GYS2: variants seen among roughly 807,000 people sequenced by gnomAD.
GYS2 encodes glycogen synthase 2.
GYS2 carries 80 observed loss-of-function variants against 85.6 expected under a neutral mutation model. The observed-to-expected ratio is 0.93, with a 90% CI of 0.78 to 1.13. The LOEUF is 1.13. GYS2 is among the 50% of genes most tolerant of loss of function. The probability of loss-of-function intolerance (pLI) is 0.00; values close to 1 mark genes in which losing one functional copy is unlikely to be tolerated. For missense variants in GYS2, 881 were observed against 854.9 expected, an observed-to-expected ratio of 1.03 and a Z score of -0.38; for synonymous variants, 328 against 300.7, an observed-to-expected ratio of 1.09 and a Z score of -0.94.
chr12:21,571,321 A>G (rs1944382417), intron 4 of GYS2, among the ~76,000 whole-genome samples: 1 of 152,202 alleles, frequency 6.6e-6, no homozygotes, highest in Non-Finnish European at 1.5e-5. Flanking sequence ...CATATTTATG[A>G]TTATATCTTA....
intron 1 of GYS2, among the ~76,000 whole-genome samples, chr12:21,587,441 T>A (rs1944586735): frequency 6.6e-6 from 1 of 152,202 alleles, no homozygotes; most frequent in South Asian, 2.1e-4. Context: ...AGGAGGTTAC[T>A]CTCATGCTCT....
Position 21,536,732 on chromosome 12 carries a change from C to A in GYS2, c.*222G>T. ...TCTGCCTTTAATGAGTGCTCCTCCTCATGCCTAACTTTATGGGGGAAACAA... is the reference window on the plus strand; with the variant it reads ...TCTGCCTTTAATGAGTGCTCCTCCTAATGCCTAACTTTATGGGGGAAACAA... On this transcript the variant is annotated 3_prime_UTR_variant, in exon 16 of 16. Transcript: ENST00000261195. The A allele has an allele frequency of 1.7e-6, 1 of 576,796 alleles. No homozygotes were observed. Among genetic ancestry groups the A allele is most frequent in the South Asian group, 2.1e-5 (1 of 48,680 alleles). The allele number at this position is 576,796 out of a possible 1,614,324, so 35.7% of individuals were successfully genotyped here. A position where few individuals can be genotyped will look rare whatever the true frequency, so the allele number is the denominator to read the frequency against.
intron 1 of GYS2, among the ~76,000 whole-genome samples, chr12:21,588,829 T>A (rs912003863): frequency 1.3e-5 from 2 of 152,226 alleles, no homozygotes; most frequent in African/African-American, 4.8e-5. Context: ...TTAGAAACCA[T>A]CAAAATTATT....
intron 4 of GYS2, among the ~76,000 whole-genome samples, chr12:21,569,327 C>A (rs899160325): frequency 6.6e-6 from 1 of 152,158 alleles, no homozygotes; most frequent in African/African-American, 2.4e-5. Flanking sequence ...TATTCTACAT[C>A]TTGGAATACT....
intron 7 of GYS2, among the ~76,000 whole-genome samples, chr12:21,561,483 G>A (rs1944252301): frequency 6.9e-6 from 1 of 145,430 alleles, no homozygotes; most frequent in African/African-American, 2.5e-5. Context: ...ACTCACCCTA[G>A]GAACAGCCAA....
At chr12:21,597,300 A>G (rs922745023) in intron 1 of GYS2, among the ~76,000 whole-genome samples, 7 of 152,092 alleles carry the variant, frequency 4.6e-5, no homozygotes, top group Non-Finnish European at 1.0e-4. Context: ...ATATTTGCAT[A>G]CATTTGACAA....
intron 7 of GYS2, 74 bp from the exon 8 acceptor site, chr12:21,560,566 T>A (rs1265753679): frequency 3.8e-6 from 3 of 795,626 alleles, no homozygotes; most frequent in Non-Finnish European, 6.9e-6. Context: ...AACTTAAACA[T>A]TGAAAAGTAG....
intron 11 of GYS2, 26 bp from the exon 12 acceptor site, chr12:21,546,496 A>C: frequency 6.5e-7 from 1 of 1,528,196 alleles, no homozygotes; most frequent in South Asian, 1.2e-5. Context: ...TCTAATTTAA[A>C]AAAAAAGAAA....
At chr12:21,550,996 CTTTTCTTT>C (rs1400766364) in intron 11 of GYS2, among the ~76,000 whole-genome samples, 1 of 89,338 alleles carries the variant, frequency 1.1e-5, no homozygotes, top group Admixed American at 1.4e-4. Context: ...GCACTCTACA[CTTTTCTTT>C]TTTTTTTAAT....
chr12:21,536,934 T>C lies in GYS2; in HGVS notation c.*20A>G. The C allele has an allele frequency of 6.6e-7, 1 of 1,523,524 alleles. No homozygotes were observed. Among genetic ancestry groups the C allele is most frequent in the Non-Finnish European group, 9.1e-7 (1 of 1,097,852 alleles). The allele number at this position is 1,523,524 out of a possible 1,614,324, so 94.4% of individuals were successfully genotyped here. ...TACTTTGCTTTTTTAAATTAGCTCTTCATGCAGCACATGTAGAATTCAGTT... is the reference window on the plus strand; with the variant it reads ...TACTTTGCTTTTTTAAATTAGCTCTCCATGCAGCACATGTAGAATTCAGTT... On this transcript the variant is annotated 3_prime_UTR_variant, in exon 16 of 16. Coordinates refer to ENST00000261195, the MANE Select transcript of GYS2 (RefSeq NM_021957.4).
intron 11 of GYS2, among the ~76,000 whole-genome samples, chr12:21,557,157 GAAA>G (rs1176175083): frequency 6.6e-6 from 1 of 152,184 alleles, no homozygotes; most frequent in African/African-American, 2.4e-5. Context: ...AAAAATGAAA[GAAA>G]GAAGTGAAAA....
intron 2 of GYS2, among the ~76,000 whole-genome samples, chr12:21,578,623 C>G (rs188996913): frequency 6.6e-6 from 1 of 152,132 alleles, no homozygotes; most frequent in African/African-American, 2.4e-5. Context: ...ACCTTTAATA[C>G]CTGCTTCAGT....
chr12:21,558,249 C>G lies in GYS2; in HGVS notation c.1373G>C (p.Ser458Thr). ...MIDDSTDPIL[S>T]TIRRIGLFNN... ...GAAAAGTCCAATCCGTCTAATGGTG[C>G]TGAGGATGGGGTCGGTGGAGTCATC... Residue 458 changes from serine (S) to threonine (T), a missense_variant, in exon 11 of 16, where the codon AGC becomes ACC. By Grantham distance (58) the Ser-to-Thr change is moderately conservative. Transcript: ENST00000261195. The G allele has an allele frequency of 1.2e-6, 2 of 1,613,914 alleles. No homozygotes were observed. The highest frequency in any genetic ancestry group is 1.7e-6 in the Non-Finnish European group (2 of 1,179,852).
At chr12:21,592,669 G>C (rs1293770167) in intron 1 of GYS2, among the ~76,000 whole-genome samples, 1 of 152,050 alleles carries the variant, frequency 6.6e-6, no homozygotes, top group Non-Finnish European at 1.5e-5. Flanking sequence ...GGGTGAAATA[G>C]AATCCAATAC....
intron 1 of GYS2, among the ~76,000 whole-genome samples, chr12:21,582,584 T>C (rs1477881508): frequency 7.2e-6 from 1 of 139,760 alleles, no homozygotes; most frequent in Non-Finnish European, 1.5e-5. Flanking sequence ...GATATAGAGA[T>C]AGATATAGAG....
In GYS2 at chr12:21,559,187, TAATAAC is replaced by T; in HGVS notation, c.1230-24_1230-19del. On this transcript the variant is annotated intron_variant, in intron 9 of 15. Coordinates refer to ENST00000261195, the MANE Select transcript of GYS2 (RefSeq NM_021957.4). The stretch of plus-strand genomic sequence containing the variant: ...TTTCTCCTCTGCAGGGAAAAAATGT[TAATAAC>T]AAAAATAAAAACAGCTGGCACTAAT... 5 of 1,491,366 alleles carry T rather than the reference TAATAAC, an allele frequency of 3.4e-6. No individual in the cohort carries two copies. The highest frequency in any genetic ancestry group is 4.7e-6 in the Non-Finnish European group (5 of 1,069,702). 92.4% of individuals were successfully genotyped at this position (1,491,366 alleles called of 1,614,324 possible).
chr12:21,584,748 A>G (rs189366805), intron 1 of GYS2, among the ~76,000 whole-genome samples: 2 of 152,214 alleles, frequency 1.3e-5, no homozygotes, highest in South Asian at 4.1e-4. Flanking sequence ...TACTCTGGAT[A>G]TGGGTTTCCC....
chr12:21,564,442 A>G (rs886889751), intron 5 of GYS2, among the ~76,000 whole-genome samples: 3 of 152,146 alleles, frequency 2.0e-5, no homozygotes, highest in African/African-American at 4.8e-5. Context: ...AAAGAAAAAA[A>G]AAAAGAATCT....
At chr12:21,554,148 G>T (rs1944147811) in intron 11 of GYS2, among the ~76,000 whole-genome samples, 1 of 151,814 alleles carries the variant, frequency 6.6e-6, no homozygotes, top group African/African-American at 2.4e-5. Flanking sequence ...AGCGAGGAAG[G>T]AAGGAAGAAG....
Sources: allele counts gnomAD v4.1 joint callset (sites outside exome capture counted in the v4.1 genomes callset), GRCh38; gene constraint gnomAD v4.1.1; transcripts MANE v1.5; gene names NCBI Gene and HGNC (gene_info 2026-07-23, HGNC 2026-07-21).